The following SAMD5 variants were observed in gnomAD, a reference collection of about 807,000 sequenced individuals.
SAMD5 encodes the protein sterile alpha motif domain-containing protein 5.
SAMD5 carries 13 observed loss-of-function variants against 11.3 expected under a neutral mutation model. The observed-to-expected ratio is 1.15, with a 90% CI of 0.75 to 1.83. The LOEUF is 1.83. Ranked by LOEUF, SAMD5 falls within the 40% of genes most tolerant of loss-of-function variation. The pLI is 0.00. For missense variants in SAMD5, 255 were observed against 239.1 expected (o/e 1.07, Z -0.44); for synonymous variants, 129 against 111.3 (o/e 1.16, Z -1.00).
intron 1 of SAMD5, among the ~76,000 whole-genome samples, chr6:147,554,435 G>A (rs898979314): frequency 1.3e-5 from 2 of 152,190 alleles, no homozygotes; most frequent in African/African-American, 4.8e-5. Flanking sequence ...GGCCAGTGGA[G>A]GCCAGGCTTC....
intron 1 of SAMD5, among the ~76,000 whole-genome samples, chr6:147,552,951 C>T (rs1309589541): frequency 6.6e-6 from 1 of 152,084 alleles, no homozygotes; most frequent in Non-Finnish European, 1.5e-5. Context: ...TGCTGAACAT[C>T]CATTATGTTT....
Position 147,566,778 on chromosome 6 carries a change from A to C in SAMD5, c.*2322A>C. ...GGAAGAAAACTTCAAATAAGCAAAG[A>C]AGTATTGAAGGATGCCCACGAATTC... On this transcript the variant is annotated 3_prime_UTR_variant, in exon 2 of 2. Transcript: ENST00000367474. 1.0e-6 allele frequency: 1 copy of C among 983,598 alleles called. No individual in the cohort carries two copies. The allele number at this position is 983,598 out of a possible 1,614,324, so 60.9% of individuals were successfully genotyped here. A position where few individuals can be genotyped will look rare whatever the true frequency, so the allele number is the denominator to read the frequency against.
At chr6:147,718,321 C>T (rs1791496452) in intron 1 of SAMD5, among the ~76,000 whole-genome samples, 4 of 152,172 alleles carry the variant, frequency 2.6e-5, no homozygotes, top group Non-Finnish European at 5.9e-5. Context: ...CTAAATCACA[C>T]ATTGCACCTG....
chr6:147,643,151 G>T (rs1790339099), intron 1 of SAMD5, among the ~76,000 whole-genome samples: 1 of 152,170 alleles, frequency 6.6e-6, no homozygotes, highest in Admixed American at 6.5e-5. Flanking sequence ...TGAAGGGCAT[G>T]TGAAATTATT....
At position 147,567,218 on chromosome 6, in the gene SAMD5, G is replaced by A. The variant is rs1479225191; in HGVS notation, c.*2762G>A. The A allele has an allele frequency of 2.0e-6, 2 of 985,122 alleles. No homozygotes were observed. Among genetic ancestry groups the A allele is most frequent in the Non-Finnish European group, 2.4e-6 (2 of 829,854 alleles). 61.0% of individuals were successfully genotyped at this position (985,122 alleles called of 1,614,324 possible). A position where few individuals can be genotyped will look rare whatever the true frequency, so the allele number is the denominator to read the frequency against. ...TTAAGGGCTTCTTCCTTACCCAAGT[G>A]GGAGCTGAACCAGTAATTGTGGGGA... On this transcript the variant is annotated 3_prime_UTR_variant, in exon 2 of 2. Coordinates refer to ENST00000367474, the MANE Select transcript of SAMD5 (RefSeq NM_001030060.3).
chr6:147,536,200 G>T (rs544762555), intron 1 of SAMD5, among the ~76,000 whole-genome samples: 4 of 152,060 alleles, frequency 2.6e-5, no homozygotes, highest in Non-Finnish European at 5.9e-5. Flanking sequence ...AGCTAGGATG[G>T]TCTCAATCTC....
chr6:147,685,109 C>G (rs186563400), intron 1 of SAMD5, among the ~76,000 whole-genome samples: 1 of 152,194 alleles, frequency 6.6e-6, no homozygotes, highest in South Asian at 2.1e-4. Flanking sequence ...ATACTCCTTT[C>G]TAAGTTTGGA....
the SAMD5 span, among the ~76,000 whole-genome samples, chr6:147,870,668 C>T: frequency 6.7e-6 from 1 of 150,238 alleles, no homozygotes; most frequent in Non-Finnish European, 1.5e-5. Flanking sequence ...ATCGGCAATT[C>T]AGATGAGGGA....
the SAMD5 span, among the ~76,000 whole-genome samples, chr6:147,839,683 G>C: frequency 6.6e-6 from 1 of 152,222 alleles, no homozygotes; most frequent in Non-Finnish European, 1.5e-5. Flanking sequence ...CAGGGAGGCA[G>C]AGGTTGCAGT....
chr6:147,686,963 A>G (rs569613228), intron 1 of SAMD5, among the ~76,000 whole-genome samples: 1 of 152,000 alleles, frequency 6.6e-6, no homozygotes, highest in Non-Finnish European at 1.5e-5. Context: ...TATTCTTTAC[A>G]ATATTTTTGG....
chr6:147,704,088 G>T (rs1047238109), intron 1 of SAMD5, among the ~76,000 whole-genome samples: 1 of 151,902 alleles, frequency 6.6e-6, no homozygotes, highest in Non-Finnish European at 1.5e-5. Flanking sequence ...GTAGAGATGG[G>T]GTTTCACTGT....
chr6:147,875,165 T>C, the SAMD5 span, among the ~76,000 whole-genome samples: 1 of 152,224 alleles, frequency 6.6e-6, no homozygotes, highest in Non-Finnish European at 1.5e-5. Context: ...ATTTTAACAC[T>C]AATTCTATAC....
At chr6:147,903,453 C>T in the SAMD5 span, among the ~76,000 whole-genome samples, 1 of 152,258 alleles carries the variant, frequency 6.6e-6, no homozygotes, top group South Asian at 2.1e-4. Context: ...CTGTTCAGTG[C>T]AGATTCAGAA....
the SAMD5 span, among the ~76,000 whole-genome samples, chr6:147,787,296 C>T: frequency 6.6e-6 from 1 of 152,136 alleles, no homozygotes; most frequent in East Asian, 1.9e-4. Flanking sequence ...GACAGTGCCT[C>T]TAGATAGCAC....
the SAMD5 span, among the ~76,000 whole-genome samples, chr6:147,838,573 A>G: frequency 1.4e-5 from 2 of 139,262 alleles, no homozygotes; most frequent in African/African-American, 5.3e-5. Flanking sequence ...TCAATAAGCA[A>G]TAACTGTTAG....
At chr6:147,849,739 T>C in the SAMD5 span, among the ~76,000 whole-genome samples, 2 of 152,204 alleles carry the variant, frequency 1.3e-5, no homozygotes, top group African/African-American at 4.8e-5. Context: ...CCGTCTCCTC[T>C]AAAGGAACAC....
the SAMD5 span, among the ~76,000 whole-genome samples, chr6:147,854,717 G>A: frequency 6.6e-6 from 1 of 152,030 alleles, no homozygotes; most frequent in Non-Finnish European, 1.5e-5. Context: ...TGATCCACAA[G>A]GATTTCAACA....
chr6:147,666,672 G>T (rs1318429478), intron 1 of SAMD5, among the ~76,000 whole-genome samples: 1 of 152,142 alleles, frequency 6.6e-6, no homozygotes, highest in Non-Finnish European at 1.5e-5. Flanking sequence ...GAATAACAAA[G>T]CTTTCGTATT....
At chr6:147,534,698 A>C (rs1788481796) in intron 1 of SAMD5, among the ~76,000 whole-genome samples, 1 of 152,152 alleles carries the variant, frequency 6.6e-6, no homozygotes, top group Non-Finnish European at 1.5e-5. Flanking sequence ...GAGCCAGTTG[A>C]TTGATCTGGT....
Sources: gnomAD v4.1 joint callset for allele counts (sites outside exome capture counted in the v4.1 genomes callset) on GRCh38, gnomAD v4.1.1 for gene constraint, MANE v1.5 for transcripts, NCBI Gene and HGNC (gene_info 2026-07-23, HGNC 2026-07-21) for gene names.